Variants in INTU observed in about 807,000 individuals in gnomAD.
INTU encodes protein inturned.
A neutral mutation model predicts 100.5 loss-of-function variants in INTU; 68 were observed. The observed-to-expected ratio is 0.68, with a 90% confidence interval of 0.56 to 0.83. INTU has a LOEUF of 0.83. Among genes scored for constraint, INTU ranks in the 40% least tolerant of loss-of-function variants. The probability of loss-of-function intolerance (pLI) is 0.00; values close to 1 mark genes in which losing one functional copy is unlikely to be tolerated. For missense variants in INTU, 1,071 were observed against 1,114.7 expected (o/e 0.96, Z 0.56); for synonymous variants, 357 against 395.7 (o/e 0.90, Z 1.16).
intron 1 of INTU, among the ~76,000 whole-genome samples, chr4:127,636,710 A>G (rs1727090338): frequency 6.6e-6 from 1 of 152,000 alleles, no homozygotes; most frequent in African/African-American, 2.4e-5. Flanking sequence ...TCATATCCCC[A>G]ACTCAATGAT....
chr4:127,703,641 G>A (rs1183459838), intron 9 of INTU, among the ~76,000 whole-genome samples: 3 of 152,016 alleles, frequency 2.0e-5, no homozygotes, highest in African/African-American at 7.2e-5. Context: ...ACATATGTGT[G>A]ATATTCTGTG....
At position 127,663,594 on chromosome 4, in the gene INTU, C is replaced by T; in HGVS notation, c.972+10C>T. ...AACCTCAAAGGAAGAGGTGAGTGTC[C>T]TCAAAAGTCCAAAGGAAATAAGTTT... On this transcript the variant is annotated intron_variant, in intron 4 of 15. Transcript: ENST00000335251. 6.2e-7 allele frequency: 1 copy of T among 1,608,542 alleles called. No individual in the cohort carries two copies. The highest frequency in any genetic ancestry group is 8.5e-7 in the Non-Finnish European group (1 of 1,176,390).
Position 127,663,431 on chromosome 4 carries a change from T to C in INTU, c.819T>C (p.His273=). The change falls in exon 4 of 16, where the codon CAT becomes CAC. Residue 273 remains histidine, a synonymous_variant. Coordinates refer to ENST00000335251, the MANE Select transcript of INTU (RefSeq NM_015693.4). Reference sequence around the variant, plus strand: ...ATGATGTGAAAAGGGAGACGTCCCATCCAAGACAGAAAAAGACACAGTCCA... The same window carrying C: ...ATGATGTGAAAAGGGAGACGTCCCACCCAAGACAGAAAAAGACACAGTCCA... ...NAYDVKRETS[H]PRQKKTQSNT... The C allele has an allele frequency of 3.1e-6, 5 of 1,613,328 alleles. No homozygotes were observed. The highest frequency in any genetic ancestry group is 4.2e-6 in the Non-Finnish European group (5 of 1,179,476).
intron 2 of INTU, 106 bp downstream of exon 2, chr4:127,644,162 A>G: frequency 1.7e-6 from 2 of 1,154,182 alleles, no homozygotes; most frequent in Non-Finnish European, 2.4e-6. Context: ...CTCCACAGAT[A>G]AAGAACTGAT....
chr4:127,684,522 T>G, intron 7 of INTU, 36 bp downstream of exon 7: 2 of 1,201,866 alleles, frequency 1.7e-6, no homozygotes, highest in South Asian at 2.6e-5. Context: ...CAAGTTTTAA[T>G]TATGTGATTC....
chr4:127,642,463 T>G (rs1727376659), intron 1 of INTU, among the ~76,000 whole-genome samples: 1 of 152,214 alleles, frequency 6.6e-6, no homozygotes, highest in Non-Finnish European at 1.5e-5. Context: ...TCAAAGTGTT[T>G]AGAAAGAGAC....
At position 127,711,050 on chromosome 4, in the gene INTU, A is replaced by G. The variant is rs767058548; in HGVS notation, c.2507A>G (p.His836Arg). The G allele has an allele frequency of 6.2e-7, 1 of 1,609,246 alleles. No homozygotes were observed. Among genetic ancestry groups the G allele is most frequent in the African/African-American group, 1.3e-5 (1 of 75,014 alleles). The change falls in exon 14 of 16, where the codon CAT (histidine) becomes CGT (arginine). Residue 836 changes from histidine to arginine, a missense_variant. By Grantham distance (29) the His-to-Arg change is conservative. Transcript: ENST00000335251. ...CACCCTCAGCTAATAAAGAATTTCC[A>G]TCAGTGTTGTCTTTCCATTCGTGCA... ...SIHPQLIKNF[H>R]QCCLSIRAVF... is the part of the protein sequence containing the mutation.
intron 5 of INTU, among the ~76,000 whole-genome samples, chr4:127,671,148 A>G (rs969368686): frequency 1.3e-5 from 2 of 152,148 alleles, no homozygotes; most frequent in African/African-American, 4.8e-5. Flanking sequence ...TCTACACAGC[A>G]AAAGAAATAG....
chr4:127,650,086 G>A (rs1289568740), intron 2 of INTU, among the ~76,000 whole-genome samples: 1 of 152,102 alleles, frequency 6.6e-6, no homozygotes, highest in African/African-American at 2.4e-5. Context: ...TGATATGGTT[G>A]GGGCCTTTGA....
chr4:127,704,657 T>C (rs1730797619), intron 10 of INTU, among the ~76,000 whole-genome samples: 1 of 152,198 alleles, frequency 6.6e-6, no homozygotes, highest in South Asian at 2.1e-4. Context: ...ATATTTATGG[T>C]TTCATTGCAT....
At chr4:127,648,483 C>T (rs886266289) in intron 2 of INTU, among the ~76,000 whole-genome samples, 1 of 152,082 alleles carries the variant, frequency 6.6e-6, no homozygotes, top group Non-Finnish European at 1.5e-5. Context: ...GTTTGTTAGA[C>T]TTGATAATTT....
chr4:127,663,271 A>G (rs1270545346), intron 3 of INTU, 110 bp from the exon 4 acceptor site: 2 of 724,266 alleles, frequency 2.8e-6, no homozygotes, highest in Non-Finnish European at 4.7e-6. Flanking sequence ...AGGATGATTT[A>G]TATATACTGT....
intron 2 of INTU, among the ~76,000 whole-genome samples, chr4:127,645,931 C>T (rs1727563414): frequency 6.6e-6 from 1 of 151,924 alleles, no homozygotes; most frequent in South Asian, 2.1e-4. Flanking sequence ...ACTTGTAATC[C>T]CAGCACTTTG....
intron 15 of INTU, among the ~76,000 whole-genome samples, chr4:127,715,871 A>T (rs1044065708): frequency 6.6e-6 from 1 of 152,172 alleles, no homozygotes; most frequent in South Asian, 2.1e-4. Context: ...TTCAATTTTA[A>T]CTCTTTAAGA....
rs1177226867 is a variant in INTU, at chr4:127,705,785, A to G, written c.1761A>G (p.Gly587=). 1 of 1,613,996 alleles carries G rather than the reference A, an allele frequency of 6.2e-7. No homozygotes were observed. Among genetic ancestry groups the G allele is most frequent in the South Asian group, 1.1e-5 (1 of 91,058 alleles). Reference sequence around the variant, plus strand: ...CTGAAGTCTTTCCGGAACCTGAAGGAAGATATTTTTTGCTAGTTGTTGGCT... The same window carrying G: ...CTGAAGTCTTTCCGGAACCTGAAGGGAGATATTTTTTGCTAGTTGTTGGCT... ...SSTEVFPEPE[G]RYFLLVVGLK... is the part of the protein sequence containing the mutation. The change falls in exon 11 of 16, where the codon GGA becomes GGG. Residue 587 remains glycine, a synonymous_variant. Transcript: ENST00000335251.
Position 127,656,626 on chromosome 4 carries a change from C to G in INTU, c.683-10C>G, listed in dbSNP as rs761746987. The stretch of plus-strand genomic sequence containing the variant: ...CATAAAACTATCTTTTATTGTTATT[C>G]TGGTTTCAGGTGATGTCCTTGTTGC... On this transcript the variant is annotated splice_polypyrimidine_tract_variant and intron_variant, in intron 2 of 15. Transcript: ENST00000335251. 6.3e-7 allele frequency: 1 copy of G among 1,590,438 alleles called. No individual in the cohort carries two copies. Among genetic ancestry groups the G allele is most frequent in the South Asian group, 1.1e-5 (1 of 90,022 alleles).
chr4:127,724,318 G>C lies in INTU; in HGVS notation c.*7882G>C, dbSNP rs1731388584. ...ACCTGTAATCCTAGCTACCTAGGAG[G>C]CTGAGGCAGGAGAATCGCTTGAACC... On this transcript the variant is annotated 3_prime_UTR_variant, in exon 16 of 16. Coordinates refer to ENST00000335251, the MANE Select transcript of INTU (RefSeq NM_015693.4). 1 of 152,102 alleles carries C rather than the reference G, an allele frequency of 6.6e-6. No homozygotes were observed. The highest frequency in any genetic ancestry group is 2.4e-5 in the African/African-American group (1 of 41,340). The allele number at this position is 152,102 out of a possible 1,614,324, so 9.4% of individuals were successfully genotyped here.
intron 1 of INTU, among the ~76,000 whole-genome samples, chr4:127,638,008 C>A (rs1727148556): frequency 6.6e-6 from 1 of 152,128 alleles, no homozygotes; most frequent in African/African-American, 2.4e-5. Flanking sequence ...GACTCCCTAC[C>A]CCTAAGCTGC....
At chr4:127,669,206 C>T (rs2126206959) in intron 5 of INTU, 52 bp downstream of exon 5, 1 of 828,542 alleles carries the variant, frequency 1.2e-6, no homozygotes, top group East Asian at 2.5e-5. Context: ...TCTTTTATTT[C>T]ACCCTGACAA....
Sources: gnomAD v4.1 joint callset for allele counts (sites outside exome capture counted in the v4.1 genomes callset) on GRCh38, gnomAD v4.1.1 for gene constraint, MANE v1.5 for transcripts, NCBI Gene and HGNC (gene_info 2026-07-23, HGNC 2026-07-21) for gene names.